GANC: variants seen among roughly 807,000 people sequenced by gnomAD.
GANC encodes neutral alpha-glucosidase C.
A neutral mutation model predicts 124.2 loss-of-function variants in GANC; 117 were observed. The observed-to-expected ratio is 0.94, with a 90% confidence interval of 0.81 to 1.10. The LOEUF is 1.10. Among genes scored for constraint, GANC ranks in the 50% least tolerant of loss-of-function variants. The pLI is 0.00. For missense variants in GANC, 1,140 were observed against 1,095.0 expected (o/e 1.04, Z -0.58); for synonymous variants, 377 against 376.8 (o/e 1.00, Z -0.01).
At chr15:42,349,563 T>A in intron 22 of GANC, 68 bp downstream of exon 22, 2 of 819,116 alleles carry the variant, frequency 2.4e-6, no homozygotes, top group Non-Finnish European at 4.0e-6. Flanking sequence ...CATCCTCAAA[T>A]CAAATGCACA....
intron 11 of GANC, among the ~76,000 whole-genome samples, chr15:42,322,770 A>C (rs1434885236): frequency 2.0e-5 from 3 of 152,136 alleles, no homozygotes; most frequent in African/African-American, 7.2e-5. Context: ...GAGGGAGAGA[A>C]GCCCCTGGAA....
chr15:42,351,339 C>G lies in GANC; in HGVS notation c.2542C>G (p.Gln848Glu), dbSNP rs765787880. The change falls in exon 23 of 24, where the codon CAG (glutamine) becomes GAG (glutamate). Residue 848 changes from glutamine (Q) to glutamate (E), a missense_variant. By Grantham distance (29) the Gln-to-Glu change is conservative. Transcript: ENST00000318010. Reference protein sequence around the residue: ...SSVLINSFADQRGHYPSKCVV... With the variant: ...SSVLINSFADERGHYPSKCVV... ...TTGTATCTATTCCAGTTTTGCTGAC[C>G]AGAGGGGTCATTATCCCAGCAAGTG... The G allele has an allele frequency of 1.2e-6, 2 of 1,613,536 alleles. No homozygotes were observed. The highest frequency in any genetic ancestry group is 1.7e-5 in the Admixed American group (1 of 59,992).
At chr15:42,324,264 A>T (rs944737547) in intron 11 of GANC, among the ~76,000 whole-genome samples, 4 of 144,930 alleles carry the variant, frequency 2.8e-5, no homozygotes, top group Admixed American at 1.4e-4. Flanking sequence ...ACTACTATTT[A>T]AAAAAAAAAC....
intron 21 of GANC, 66 bp from the exon 22 acceptor site, chr15:42,349,316 GA>G: frequency 1.0e-6 from 1 of 983,014 alleles, no homozygotes; most frequent in African/African-American, 1.6e-5. Context: ...TACCCTTTAG[GA>G]GCTGACATTC....
intron 13 of GANC, among the ~76,000 whole-genome samples, chr15:42,328,305 A>G (rs1369376031): frequency 6.6e-6 from 1 of 152,160 alleles, no homozygotes; most frequent in Admixed American, 6.5e-5. Context: ...CTGCTTTTGT[A>G]CTACTATGGC....
At chr15:42,333,421 T>C (rs1162677414) in intron 15 of GANC, among the ~76,000 whole-genome samples, 1 of 152,306 alleles carries the variant, frequency 6.6e-6, no homozygotes, top group East Asian at 1.9e-4. Context: ...ACTATTTTGG[T>C]AGAAGATAGA....
At chr15:42,325,429 T>C (rs1476710799) in intron 11 of GANC, among the ~76,000 whole-genome samples, 1 of 152,148 alleles carries the variant, frequency 6.6e-6, no homozygotes, top group East Asian at 1.9e-4. Flanking sequence ...GTGGAAGTGA[T>C]GGTATTGTAA....
intron 6 of GANC, among the ~76,000 whole-genome samples, chr15:42,299,232 T>C (rs1595768602): frequency 6.6e-6 from 1 of 152,210 alleles, no homozygotes; most frequent in Admixed American, 6.5e-5. Flanking sequence ...TTTTGAGATA[T>C]GTTCCATCAA....
chr15:42,293,613 TGAAAA>T (rs1427697315), intron 5 of GANC, among the ~76,000 whole-genome samples: 4 of 151,454 alleles, frequency 2.6e-5, no homozygotes, highest in African/African-American at 7.4e-5. Flanking sequence ...TAGAAAATAT[TGAAAA>T]GAAGAAAATT....
At chr15:42,315,887 C>G (rs921588511) in intron 10 of GANC, among the ~76,000 whole-genome samples, 2 of 152,066 alleles carry the variant, frequency 1.3e-5, no homozygotes, top group African/African-American at 4.8e-5. Context: ...CCCTGGTTTT[C>G]TAGTATGCCA....
chr15:42,312,226 GAAAC>G (rs1384116190), intron 10 of GANC, among the ~76,000 whole-genome samples: 2 of 152,158 alleles, frequency 1.3e-5, no homozygotes, highest in Non-Finnish European at 2.9e-5. Flanking sequence ...CTTAAAAAGA[GAAAC>G]AAAGTTGAAA....
intron 18 of GANC, among the ~76,000 whole-genome samples, chr15:42,342,180 G>A (rs753074637): frequency 6.6e-5 from 10 of 152,174 alleles, no homozygotes; most frequent in Non-Finnish European, 1.5e-4. Context: ...GCATGCAGTA[G>A]GCACTCGAAA....
At position 42,273,611 on chromosome 15, in the gene GANC, G is replaced by C. The variant is rs535299959; in HGVS notation, c.-871G>C. Reference sequence around the variant, plus strand: ...CGCAGGCGTCATCCTGTTGGAACCTGGTCAGCTGGGTTAGAGAGATCGCTA... The same window carrying C: ...CGCAGGCGTCATCCTGTTGGAACCTCGTCAGCTGGGTTAGAGAGATCGCTA... On this transcript the variant is annotated 5_prime_UTR_variant, in exon 1 of 24. Coordinates refer to ENST00000318010, the MANE Select transcript of GANC (RefSeq NM_198141.3). 664 of 733,914 alleles carry C rather than the reference G, an allele frequency of 9.0e-4. No individual in the cohort carries two copies. The highest frequency in any genetic ancestry group is 5.4e-4 in the Non-Finnish European group (250 of 463,110). The allele number at this position is 733,914 out of a possible 1,614,324, so 45.5% of individuals were successfully genotyped here.
At chr15:42,314,524 T>C (rs1342575067) in intron 10 of GANC, 2 of 233,088 alleles carry the variant, frequency 8.6e-6, no homozygotes, top group African/African-American at 4.7e-5. Flanking sequence ...AATACTGCTT[T>C]CCTAATTTAG....
In GANC at chr15:42,329,234, G is replaced by A; in HGVS notation, c.1501-72G>A. The A allele has an allele frequency of 2.8e-6, 4 of 1,429,490 alleles. No individual in the cohort carries two copies. The South Asian group carries it at 4.0e-5, about 14-fold the overall frequency. The allele number at this position is 1,429,490 out of a possible 1,614,324, so 88.6% of individuals were successfully genotyped here. ...ATAATAAACATAATTTTTAAAATGAGGTAGCAATGGTGACAGCTATTATAT... is the reference window on the plus strand; with the variant it reads ...ATAATAAACATAATTTTTAAAATGAAGTAGCAATGGTGACAGCTATTATAT... On this transcript the variant is annotated intron_variant, in intron 13 of 23. Coordinates refer to ENST00000318010, the MANE Select transcript of GANC (RefSeq NM_198141.3).
chr15:42,329,044 C>T (rs536195685), intron 13 of GANC, among the ~76,000 whole-genome samples: 1 of 152,126 alleles, frequency 6.6e-6, no homozygotes, highest in Non-Finnish European at 1.5e-5. Context: ...ATTTCACAGA[C>T]AACACAGGGC....
chr15:42,330,157 G>A (rs2141064522), intron 14 of GANC, among the ~76,000 whole-genome samples: 1 of 152,286 alleles, frequency 6.6e-6, no homozygotes, highest in African/African-American at 2.4e-5. Context: ...ACAGCCTGTT[G>A]CAGTAACTGT....
intron 1 of GANC, among the ~76,000 whole-genome samples, chr15:42,276,015 T>C (rs2051667651): frequency 6.6e-6 from 1 of 152,186 alleles, no homozygotes; most frequent in Admixed American, 6.5e-5. Flanking sequence ...GCTGTTTTGG[T>C]TTTCCTCCTT....
intron 3 of GANC, among the ~76,000 whole-genome samples, chr15:42,287,251 A>G (rs1219403461): frequency 1.3e-5 from 2 of 152,314 alleles, no homozygotes; most frequent in Admixed American, 1.3e-4. Flanking sequence ...TCTCTTCTGT[A>G]GCCTGCCACC....
Sources: allele counts gnomAD v4.1 joint callset (sites outside exome capture counted in the v4.1 genomes callset), GRCh38; gene constraint gnomAD v4.1.1; transcripts MANE v1.5; gene names NCBI Gene and HGNC (gene_info 2026-07-23, HGNC 2026-07-21).